SALL3: variants seen among roughly 807,000 people sequenced by gnomAD.
The protein encoded by SALL3 is spalt like transcription factor 3.
Under a neutral mutation model 66.2 loss-of-function variants are expected in SALL3, and 25 were observed. The ratio of observed to expected loss-of-function variants is 0.38; its 90% CI spans 0.28 to 0.53. SALL3 has a LOEUF of 0.53. Among genes scored for constraint, SALL3 ranks in the 20% least tolerant of loss-of-function variants. The probability of loss-of-function intolerance (pLI) is 0.85; values close to 1 mark genes in which losing one functional copy is unlikely to be tolerated. For synonymous variants in SALL3, 1,152 were observed against 899.1 expected, an observed-to-expected ratio of 1.28 and a Z score of -5.03; for missense variants, 2,194 against 1,916.5, an observed-to-expected ratio of 1.14 and a Z score of -2.70.
intron 1 of SALL3, among the ~76,000 whole-genome samples, chr18:78,987,884 TCAC>T (rs1914299759): frequency 6.6e-6 from 1 of 152,264 alleles, no homozygotes; most frequent in Non-Finnish European, 1.5e-5. Flanking sequence ...GTTTACAGTT[TCAC>T]GTCTCTTAGC....
rs766549148 is a variant in SALL3 at position 78,993,870 on chromosome 18, G to A, written c.1879G>A (p.Ala627Thr). The change falls in exon 2 of 3, where the codon GCA becomes ACA. Residue 627 changes from alanine (A) to threonine (T), a missense_variant. Transcript: ENST00000537592. ...CGCTGCACCCACATCGGTGGACGGC[G>A]CACCCACGAGCCTCGGCAGCCCCGG... ...ASAAPTSVDG[A>T]PTSLGSPGLP... 13 of 1,564,766 alleles carry A rather than the reference G, an allele frequency of 8.3e-6. No homozygotes were observed. Among genetic ancestry groups the A allele is most frequent in the East Asian group, 2.4e-5 (1 of 41,732 alleles).
chr18:78,996,497 C>G (rs1599184556), intron 2 of SALL3, among the ~76,000 whole-genome samples: 1 of 152,138 alleles, frequency 6.6e-6, no homozygotes, highest in Non-Finnish European at 1.5e-5. Flanking sequence ...GTCAGAGAGT[C>G]CCAGCAGCAG....
intron 1 of SALL3, among the ~76,000 whole-genome samples, chr18:78,983,216 A>G (rs886732838): frequency 6.6e-6 from 1 of 152,204 alleles, no homozygotes; most frequent in Non-Finnish European, 1.5e-5. Context: ...TTCCTATTTT[A>G]GAAGAAAGGC....
chr18:78,996,364 G>C (rs888045508), intron 2 of SALL3, among the ~76,000 whole-genome samples: 2 of 152,250 alleles, frequency 1.3e-5, no homozygotes, highest in Non-Finnish European at 2.9e-5. Context: ...CGATGCCTGT[G>C]GTTTCTACCT....
rs370302599 is a variant in SALL3 at position 78,997,041 on chromosome 18, G to A, written c.3622G>A (p.Asp1208Asn). ...CCTGGCAGCTCGGGCAATGAACGTC[G>A]ACCCCAGTTTTTGGAACCAGTATGC... ...KDLAARAMNVDPSFWNQYAAA... is the reference protein window; with the variant it reads ...KDLAARAMNVNPSFWNQYAAA... Residue 1208 changes from aspartate to asparagine, a missense_variant, in exon 3 of 3, where the codon GAC becomes AAC. Physicochemically the swap from Asp to Asn is conservative, Grantham distance 23. Coordinates refer to ENST00000537592, the MANE Select transcript of SALL3 (RefSeq NM_171999.4). The A allele has an allele frequency of 5.0e-5, 80 of 1,614,126 alleles. No individual in the cohort carries two copies. The South Asian group carries it at 5.5e-4, about 11-fold the overall frequency.
In SALL3 at chr18:78,993,331, C is replaced by T. The variant is rs776794339; in HGVS notation, c.1340C>T (p.Pro447Leu). ...IHLRSHTGERPFKCNICGNRF... is the reference protein window; with the variant it reads ...IHLRSHTGERLFKCNICGNRF... ...CTGCGCTCGCACACAGGCGAGCGGC[C>T]CTTCAAGTGCAACATCTGCGGGAAC... is the stretch of plus-strand genomic sequence containing the variant. The change falls in exon 2 of 3, where the codon CCC becomes CTC. Residue 447 changes from proline to leucine, a missense_variant. Pro to Leu is a moderately conservative substitution (Grantham distance 98). Coordinates refer to ENST00000537592, the MANE Select transcript of SALL3 (RefSeq NM_171999.4). 1.2e-6 allele frequency: 2 copies of T among 1,612,440 alleles called. No individual in the cohort carries two copies. The highest frequency in any genetic ancestry group is 1.7e-4 in the Middle Eastern group (1 of 6,058).
In SALL3 at chr18:78,993,014, C is replaced by G. The variant is rs1397661126; in HGVS notation, c.1023C>G (p.Ser341=). Residue 341 remains serine, a synonymous_variant, in exon 2 of 3, where the codon TCC becomes TCG. Transcript: ENST00000537592. ...SAASSQPQSA[S]TPPALAPGSL... is the part of the protein sequence containing the mutation. ...CCTCGTCGCAGCCGCAGAGCGCATCCACGCCGCCTGCCCTGGCCCCGGGGT... is the reference window on the plus strand; with the variant it reads ...CCTCGTCGCAGCCGCAGAGCGCATCGACGCCGCCTGCCCTGGCCCCGGGGT... 1.3e-6 allele frequency: 2 copies of G among 1,525,448 alleles called. No individual in the cohort carries two copies. Among genetic ancestry groups the G allele is most frequent in the South Asian group, 1.2e-5 (1 of 80,470 alleles). The allele number at this position is 1,525,448 out of a possible 1,614,324, so 94.5% of individuals were successfully genotyped here.
At position 78,992,945 on chromosome 18, in the gene SALL3, T is replaced by TGCCCCCGCTGCCCCC. The variant is rs1250652776; in HGVS notation, c.960_974dup (p.Ala322_Ala326dup). 4.2e-4 allele frequency: 455 copies of TGCCCCCGCTGCCCCC among 1,094,100 alleles called. 1 individual carries two copies. The African/African-American group carries it at 7.3e-3, about 18-fold the overall frequency. The allele number at this position is 1,094,100 out of a possible 1,614,324, so 67.8% of individuals were successfully genotyped here. A position where few individuals can be genotyped will look rare whatever the true frequency, so the allele number is the denominator to read the frequency against. On this transcript the variant is annotated inframe_insertion, in exon 2 of 3. Coordinates refer to ENST00000537592, the MANE Select transcript of SALL3 (RefSeq NM_171999.4). ...CGCCCGCCGCCCCCAGCGCCGCCCC[T>TGCCCCCGCTGCCCCC]GCCCCCGCTGCCCCCGCCCCGGCGC...
rs868131375 is a variant in SALL3 at position 78,995,202 on chromosome 18, G to A, written c.3211G>A (p.Ala1071Thr). 6.2e-7 allele frequency: 1 copy of A among 1,610,032 alleles called. No homozygotes were observed. The highest frequency in any genetic ancestry group is 8.5e-7 in the Non-Finnish European group (1 of 1,179,950). ...AATGGAAGTGAACGGTCACGGCAAG[G>A]CCATGGCGCTGGGCGAGGGTCCCCC... ...IKMEVNGHGK[A>T]MALGEGPPLP... Residue 1071 changes from alanine (A) to threonine (T), a missense_variant, in exon 2 of 3, where the codon GCC becomes ACC. Physicochemically the swap from Ala to Thr is moderately conservative, Grantham distance 58. Transcript: ENST00000537592.
intron 2 of SALL3, among the ~76,000 whole-genome samples, chr18:78,996,597 A>T (rs1356139806): frequency 6.6e-6 from 1 of 152,218 alleles, no homozygotes; most frequent in East Asian, 1.9e-4. Flanking sequence ...GAGCTCCAGA[A>T]CATTCTCTGC....
At chr18:78,980,723 G>C (rs918982990) in intron 1 of SALL3, among the ~76,000 whole-genome samples, 11 of 120,078 alleles carry the variant, frequency 9.2e-5, no homozygotes, top group Non-Finnish European at 1.3e-4. Flanking sequence ...AGGACGCTGA[G>C]GCCGGCGGCG....
Position 78,992,770 on chromosome 18 carries a change from G to C in SALL3, c.779G>C (p.Gly260Ala), listed in dbSNP as rs1018465445. The C allele has an allele frequency of 4.1e-4, 422 of 1,037,688 alleles. 1 individual carries two copies. Among genetic ancestry groups the C allele is most frequent in the Non-Finnish European group, 4.7e-4 (405 of 864,876 alleles). 64.3% of individuals were successfully genotyped at this position (1,037,688 alleles called of 1,614,324 possible). ...GGCCCGGCCCCCAGCCAGCTGCCCG[G>C]GCTGGCCGCGCTCCCGCTGTCGGCC... Reference protein sequence around the residue: ...APGPAPSQLPGLAALPLSAGA... With the variant: ...APGPAPSQLPALAALPLSAGA... Residue 260 changes from glycine (G) to alanine (A), a missense_variant, in exon 2 of 3, where the codon GGG becomes GCG. Transcript: ENST00000537592.
intron 1 of SALL3, among the ~76,000 whole-genome samples, chr18:78,981,619 C>T (rs576905126): frequency 2.6e-5 from 4 of 152,230 alleles, no homozygotes; most frequent in South Asian, 2.1e-4. Context: ...TTAGTGAGCT[C>T]GCTGGGGTCT....
rs1407903113 is a variant in SALL3 at position 78,992,618 on chromosome 18, C to T, written c.627C>T (p.Leu209=). ...CCGTGCCCCTGATCCTGGAACAGCT[C>T]ATGGCCCTGCAGCAGCAGCAGATCC... The part of the protein sequence containing the change: ...AAAVPLILEQ[L]MALQQQQIHQ... Residue 209 remains leucine, a synonymous_variant, in exon 2 of 3, where the codon CTC becomes CTT. Coordinates refer to ENST00000537592, the MANE Select transcript of SALL3 (RefSeq NM_171999.4). 45 of 1,551,940 alleles carry T rather than the reference C, an allele frequency of 2.9e-5. No individual in the cohort carries two copies. Among genetic ancestry groups the T allele is most frequent in the Non-Finnish European group, 3.9e-5 (45 of 1,156,192 alleles).
chr18:78,980,174 C>T lies in SALL3; in HGVS notation c.-101C>T, dbSNP rs993780299. On this transcript the variant is annotated 5_prime_UTR_variant, in exon 1 of 3. Coordinates refer to ENST00000537592, the MANE Select transcript of SALL3 (RefSeq NM_171999.4). Reference sequence around the variant, plus strand: ...GCGGCCCGCGCAGCCGCCGCCGCCCCGCGCCCCGCGCCGCGCGCCCGCCAG... The same window carrying T: ...GCGGCCCGCGCAGCCGCCGCCGCCCTGCGCCCCGCGCCGCGCGCCCGCCAG... The T allele has an allele frequency of 4.1e-4, 117 of 283,058 alleles. No individual in the cohort carries two copies. The highest frequency in any genetic ancestry group is 2.6e-3 in the African/African-American group (113 of 43,160). The allele number at this position is 283,058 out of a possible 1,614,324, so 17.5% of individuals were successfully genotyped here.
chr18:78,992,089 G>T lies in SALL3; in HGVS notation c.98G>T (p.Gly33Val). 1 of 1,546,700 alleles carries T rather than the reference G, an allele frequency of 6.5e-7. No individual in the cohort carries two copies. Among genetic ancestry groups the T allele is most frequent in the Non-Finnish European group, 8.7e-7 (1 of 1,145,138 alleles). The change falls in exon 2 of 3, where the codon GGT becomes GTT. Residue 33 changes from glycine (G) to valine (V), a missense_variant. Coordinates refer to ENST00000537592, the MANE Select transcript of SALL3 (RefSeq NM_171999.4). ...GAPEHAAPGE[G>V]AEDADSGPES... ...GGTCTTGCAGCCGCCCCGGGGGAAGGTGCGGAGGACGCAGACAGCGGGCCC... is the reference window on the plus strand; with the variant it reads ...GGTCTTGCAGCCGCCCCGGGGGAAGTTGCGGAGGACGCAGACAGCGGGCCC...
At chr18:78,980,769 C>G (rs1438713826) in intron 1 of SALL3, among the ~76,000 whole-genome samples, 1 of 149,630 alleles carries the variant, frequency 6.7e-6, no homozygotes, top group East Asian at 2.0e-4. Flanking sequence ...TACCGCTGGA[C>G]GCGGGTTGGG....
In SALL3 at chr18:78,980,185, C is replaced by G. The variant is rs530360902; in HGVS notation, c.-90C>G. 2.3e-6 allele frequency: 1 copy of G among 441,126 alleles called. No homozygotes were observed. The highest frequency in any genetic ancestry group is 2.2e-5 in the African/African-American group (1 of 46,024). 27.3% of individuals were successfully genotyped at this position (441,126 alleles called of 1,614,324 possible). A position where few individuals can be genotyped will look rare whatever the true frequency, so the allele number is the denominator to read the frequency against. On this transcript the variant is annotated 5_prime_UTR_variant, in exon 1 of 3. Coordinates refer to ENST00000537592, the MANE Select transcript of SALL3 (RefSeq NM_171999.4). ...AGCCGCCGCCGCCCCGCGCCCCGCG[C>G]CGCGCGCCCGCCAGGCCGCCCCGCG...
rs148335210 is a variant in SALL3 at position 78,997,145 on chromosome 18, C to A, written c.3726C>A (p.Pro1242=). Residue 1242 remains proline (P), a synonymous_variant, in exon 3 of 3, where the codon CCC becomes CCA. Coordinates refer to ENST00000537592, the MANE Select transcript of SALL3 (RefSeq NM_171999.4). The part of the protein sequence containing the change: ...VIQNGGIPQL[P]VSLGGSALPP... ...AGAACGGCGGCATCCCCCAGCTCCC[C>A]GTGAGTCTTGGGGGCAGCGCCCTCC... 6.2e-7 allele frequency: 1 copy of A among 1,613,920 alleles called. No individual in the cohort carries two copies. Among genetic ancestry groups the A allele is most frequent in the Non-Finnish European group, 8.5e-7 (1 of 1,180,052 alleles).
Sources: allele counts gnomAD v4.1 joint callset (sites outside exome capture counted in the v4.1 genomes callset), GRCh38; gene constraint gnomAD v4.1.1; transcripts MANE v1.5; gene names NCBI Gene and HGNC (gene_info 2026-07-23, HGNC 2026-07-21).